GPR39: variants seen among roughly 807,000 people sequenced by gnomAD.
The protein encoded by GPR39 is zinc sensing receptor.
In GPR39, 23 loss-of-function variants were observed where a neutral mutation model predicts 18.4. That is an observed-to-expected ratio of 1.25 (90% CI 0.90 to 1.77). GPR39 has a LOEUF of 1.77. Ranked by LOEUF, GPR39 falls within the 40% of genes most tolerant of loss-of-function variation. The probability of loss-of-function intolerance (pLI) is 0.00; values close to 1 mark genes in which losing one functional copy is unlikely to be tolerated. For synonymous variants in GPR39, 280 were observed against 257.9 expected (o/e 1.09, Z -0.82); for missense variants, 647 against 602.4 (o/e 1.07, Z -0.78).
chr2:132,552,172 T>C (rs180845439), intron 1 of GPR39, among the ~76,000 whole-genome samples: 1 of 152,348 alleles, frequency 6.6e-6, no homozygotes, highest in Admixed American at 6.5e-5. Flanking sequence ...AGTATTTACA[T>C]TGTTTTAGGT....
intron 1 of GPR39, among the ~76,000 whole-genome samples, chr2:132,465,183 A>G (rs1460673852): frequency 6.6e-6 from 1 of 152,224 alleles, no homozygotes; most frequent in African/African-American, 2.4e-5. Context: ...AGGTTAAAAC[A>G]AAAGCAAAAA....
intron 1 of GPR39, among the ~76,000 whole-genome samples, chr2:132,609,700 G>A (rs1366053654): frequency 6.6e-6 from 1 of 152,160 alleles, no homozygotes; most frequent in African/African-American, 2.4e-5. Flanking sequence ...TCTGGCTGGG[G>A]CCTTGTCACT....
intron 1 of GPR39, among the ~76,000 whole-genome samples, chr2:132,603,972 A>C (rs888038685): frequency 6.6e-6 from 1 of 152,264 alleles, no homozygotes; most frequent in Non-Finnish European, 1.5e-5. Flanking sequence ...TGTGGATGTG[A>C]ACATGTGTGT....
intron 1 of GPR39, chr2:132,605,984 G>A (rs1262027035): frequency 1.3e-5 from 2 of 152,306 alleles, no homozygotes; most frequent in South Asian, 2.1e-4. Context: ...TGGCCTCCCC[G>A]CCTGAGAATG....
chr2:132,625,674 G>A (rs1558863158), intron 1 of GPR39, among the ~76,000 whole-genome samples: 2 of 152,204 alleles, frequency 1.3e-5, no homozygotes, highest in African/African-American at 4.8e-5. Context: ...CACCTTCAGA[G>A]TCCAACATTG....
chr2:132,587,317 G>A (rs972944807), intron 1 of GPR39, among the ~76,000 whole-genome samples: 12 of 152,232 alleles, frequency 7.9e-5, no homozygotes, highest in Non-Finnish European at 1.3e-4. Context: ...TGGCTCTTTC[G>A]CCATTTCTCC....
intron 1 of GPR39, among the ~76,000 whole-genome samples, chr2:132,631,250 T>C (rs1317199187): frequency 6.6e-6 from 1 of 152,228 alleles, no homozygotes; most frequent in Non-Finnish European, 1.5e-5. Flanking sequence ...CGTACAACAA[T>C]GTGCATCTCC....
chr2:132,517,271 C>T (rs1273659586), intron 1 of GPR39, among the ~76,000 whole-genome samples: 1 of 151,502 alleles, frequency 6.6e-6, no homozygotes, highest in Non-Finnish European at 1.5e-5. Context: ...ATACAGGACC[C>T]TAATAAAAAT....
intron 1 of GPR39, among the ~76,000 whole-genome samples, chr2:132,533,451 C>G (rs1679680966): frequency 7.4e-6 from 1 of 135,164 alleles, no homozygotes; most frequent in African/African-American, 2.6e-5. Context: ...ATGTCATCCC[C>G]ATCAAGCTAC....
intron 1 of GPR39, among the ~76,000 whole-genome samples, chr2:132,512,955 T>A (rs769196635): frequency 9.9e-5 from 15 of 152,214 alleles, no homozygotes; most frequent in Non-Finnish European, 1.9e-4. Context: ...ATTATTTTGT[T>A]ATCTTTCATG....
intron 1 of GPR39, among the ~76,000 whole-genome samples, chr2:132,634,598 T>C (rs1272633883): frequency 1.3e-5 from 2 of 152,210 alleles, no homozygotes; most frequent in Admixed American, 6.5e-5. Context: ...CCACACAGCA[T>C]AGAGTGTCAA....
At chr2:132,534,872 G>C (rs748756197) in intron 1 of GPR39, among the ~76,000 whole-genome samples, 13 of 152,000 alleles carry the variant, frequency 8.6e-5, no homozygotes, top group Non-Finnish European at 1.9e-4. Context: ...TTAGCATTAG[G>C]AGATATACCT....
At chr2:132,443,649 C>T (rs1273685258) in intron 1 of GPR39, among the ~76,000 whole-genome samples, 1 of 152,146 alleles carries the variant, frequency 6.6e-6, no homozygotes, top group Non-Finnish European at 1.5e-5. Flanking sequence ...GGGATGTAGG[C>T]CCACAGTAAG....
At chr2:132,448,212 T>G (rs1000805005) in intron 1 of GPR39, among the ~76,000 whole-genome samples, 6 of 152,154 alleles carry the variant, frequency 3.9e-5, no homozygotes, top group Non-Finnish European at 7.3e-5. Context: ...ATTATCTGCC[T>G]GGACAAGACT....
chr2:132,532,116 A>G (rs1441550608), intron 1 of GPR39, among the ~76,000 whole-genome samples: 1 of 152,210 alleles, frequency 6.6e-6, no homozygotes, highest in Non-Finnish European at 1.5e-5. Context: ...ACTAAGAAGA[A>G]AAGAGAGAAG....
chr2:132,568,716 G>A (rs936002856), intron 1 of GPR39, among the ~76,000 whole-genome samples: 3 of 151,860 alleles, frequency 2.0e-5, no homozygotes, highest in Non-Finnish European at 4.4e-5. Context: ...AAAAAACCTA[G>A]GTTTTCAACA....
intron 1 of GPR39, among the ~76,000 whole-genome samples, chr2:132,430,922 C>T (rs576791366): frequency 2.0e-5 from 3 of 152,164 alleles, no homozygotes; most frequent in African/African-American, 7.2e-5. Flanking sequence ...TCTCTTATAT[C>T]CCTGGACTTC....
intron 1 of GPR39, among the ~76,000 whole-genome samples, chr2:132,602,530 G>A (rs1681061016): frequency 6.6e-6 from 1 of 151,864 alleles, no homozygotes; most frequent in African/African-American, 2.4e-5. Context: ...CAAAAAATAG[G>A]CAAATGGAAC....
chr2:132,615,664 C>G (rs74538516), intron 1 of GPR39, among the ~76,000 whole-genome samples: 2,235 of 152,292 alleles, frequency 0.015, 58 homozygotes, highest in African/African-American at 0.051. Context: ...TAAATAAATA[C>G]ACTTCTCTAG....
Sources: gnomAD v4.1 joint callset for allele counts (sites outside exome capture counted in the v4.1 genomes callset) on GRCh38, gnomAD v4.1.1 for gene constraint, MANE v1.5 for transcripts, NCBI Gene and HGNC (gene_info 2026-07-23, HGNC 2026-07-21) for gene names.